TTLL1: variants seen among roughly 807,000 people sequenced by gnomAD.
TTLL1 encodes TTL family tubulin polyglutamylase complex subunit L1.
A neutral mutation model predicts 47.8 loss-of-function variants in TTLL1; 33 were observed. The observed-to-expected ratio is 0.69, with a 90% CI of 0.52 to 0.92. The LOEUF (loss-of-function observed/expected upper bound fraction) is 0.92. TTLL1 is among the 40% of genes least tolerant of loss of function. The pLI, the probability that TTLL1 is intolerant of heterozygous loss-of-function variation, is 0.00. For missense variants in TTLL1, 488 were observed against 547.5 expected, an observed-to-expected ratio of 0.89 and a Z score of 1.08; for synonymous variants, 225 against 214.1, an observed-to-expected ratio of 1.05 and a Z score of -0.45.
intron 7 of TTLL1, among the ~76,000 whole-genome samples, chr22:43,059,820 A>C (rs1265118755): frequency 6.6e-6 from 1 of 152,060 alleles, no homozygotes. Context: ...CTCTCAAGTA[A>C]CTGGGACTAC....
At chr22:43,053,916 G>A (rs1444081105) in intron 8 of TTLL1, among the ~76,000 whole-genome samples, 2 of 152,214 alleles carry the variant, frequency 1.3e-5, no homozygotes, top group Non-Finnish European at 2.9e-5. Flanking sequence ...GGGCTGGGGA[G>A]GGAGGGAGAG....
rs1200785705 is a variant in TTLL1 at position 43,089,372 on chromosome 22, G to C, written c.-185C>G. ...CGCCTCCAGCCCCTCTCCGGCGCTC[G>C]CAGGAGTACGCAGCCGACTGCCAGG... On this transcript the variant is annotated 5_prime_UTR_variant, in exon 1 of 11. Transcript: ENST00000266254. The C allele has an allele frequency of 6.6e-6, 1 of 152,462 alleles. No homozygotes were observed. The highest frequency in any genetic ancestry group is 1.9e-4 in the East Asian group (1 of 5,170). The allele number at this position is 152,462 out of a possible 1,614,324, so 9.4% of individuals were successfully genotyped here.
intron 3 of TTLL1, 72 bp from the exon 4 acceptor site, chr22:43,069,916 G>T: frequency 6.4e-7 from 1 of 1,567,090 alleles, no homozygotes; most frequent in Non-Finnish European, 8.6e-7. Flanking sequence ...TCCCGTCCCC[G>T]CAAACACCCT....
rs187947995 is a variant in TTLL1 at position 43,045,507 on chromosome 22, C to T, written c.1142+903G>A. Among the ~76,000 whole-genome samples the T allele has an allele frequency of 2.8e-4, 24 of 84,324 alleles. 1 individual carries two copies. In the Admixed American group the frequency reaches 2.9e-3, roughly 10 times the overall value. The allele number at this position is 84,324 out of a possible 152,430, so 55.3% of individuals were successfully genotyped here. A position where few individuals can be genotyped will look rare whatever the true frequency, so the allele number is the denominator to read the frequency against. ...TTTTTTTTTTGTAGAGATGGGGTTTCGCTATGTTTGCCAGCCTGGTCTCGA... is the reference window on the plus strand; with the variant it reads ...TTTTTTTTTTGTAGAGATGGGGTTTTGCTATGTTTGCCAGCCTGGTCTCGA... On this transcript the variant is annotated intron_variant, in intron 10 of 10. Coordinates refer to ENST00000266254, the MANE Select transcript of TTLL1 (RefSeq NM_012263.5).
chr22:43,046,136 G>A (rs1330725842), intron 10 of TTLL1, among the ~76,000 whole-genome samples: 2 of 152,146 alleles, frequency 1.3e-5, no homozygotes, highest in African/African-American at 4.8e-5. Context: ...CAGGAGAACT[G>A]CTTGAACCCA....
chr22:43,051,204 G>A (rs750782268), intron 9 of TTLL1, among the ~76,000 whole-genome samples: 1 of 152,248 alleles, frequency 6.6e-6, no homozygotes, highest in Non-Finnish European at 1.5e-5. Flanking sequence ...GGGCAAGGTG[G>A]GTTTGAAGCT....
Position 43,042,942 on chromosome 22 carries a change from T to C in TTLL1, c.1143-3037A>G, listed in dbSNP as rs6003013. Among the ~76,000 whole-genome samples, 855 of 148,750 alleles carry C rather than the reference T, an allele frequency of 5.7e-3. 4 individuals are homozygous for C. The highest frequency in any genetic ancestry group is 0.019 in the African/African-American group (767 of 40,620). ...CTCTGGCCTCTGCTGCTTTTTCTTTTTTTTTTTTTTTTTTTGAGGCAGACT... is the reference window on the plus strand; with the variant it reads ...CTCTGGCCTCTGCTGCTTTTTCTTTCTTTTTTTTTTTTTTTGAGGCAGACT... On this transcript the variant is annotated intron_variant, in intron 10 of 10. Transcript: ENST00000266254.
chr22:43,086,083 A>G (rs1929210609), intron 1 of TTLL1, among the ~76,000 whole-genome samples: 1 of 152,208 alleles, frequency 6.6e-6, no homozygotes, highest in South Asian at 2.1e-4. Flanking sequence ...TCCTTAGAAA[A>G]GTAAATAAAT....
chr22:43,078,708 G>A (rs944236866), intron 2 of TTLL1, among the ~76,000 whole-genome samples: 8 of 151,992 alleles, frequency 5.3e-5, no homozygotes, highest in Non-Finnish European at 1.5e-5. Context: ...AAACAGAACC[G>A]CTCTCTGCAA....
intron 3 of TTLL1, among the ~76,000 whole-genome samples, chr22:43,070,456 C>T (rs911241750): frequency 1.3e-5 from 2 of 152,082 alleles, no homozygotes; most frequent in African/African-American, 2.4e-5. Context: ...AGGGCTGGCC[C>T]CTGCTCAGAG....
Position 43,069,729 on chromosome 22 carries a change from T to C in TTLL1, c.229A>G (p.Met77Val), listed in dbSNP as rs1927988697. 1.2e-6 allele frequency: 2 copies of C among 1,614,120 alleles called. No homozygotes were observed. The highest frequency in any genetic ancestry group is 1.3e-5 in the African/African-American group (1 of 74,938). The change falls in exon 4 of 11, where the codon ATG (methionine) becomes GTG (valine). Residue 77 changes from methionine to valine, a missense_variant. Met to Val is a conservative substitution (Grantham distance 21). Transcript: ENST00000266254. Reference protein sequence around the residue: ...NHYELTRKDLMVKNIKRYRKE... With the variant: ...NHYELTRKDLVVKNIKRYRKE... Reference sequence around the variant, plus strand: ...CTGTATCTTTTGATGTTCTTCACCATCAGGTCCTTCCGGGTCAGTTCATAG... The same window carrying C: ...CTGTATCTTTTGATGTTCTTCACCACCAGGTCCTTCCGGGTCAGTTCATAG...
chr22:43,059,345 G>A (rs373916798), intron 8 of TTLL1, 39 bp downstream of exon 8: 6 of 1,586,282 alleles, frequency 3.8e-6, no homozygotes, highest in South Asian at 2.3e-5. Flanking sequence ...CTCCCAAACG[G>A]GCCCTGGGAG....
intron 3 of TTLL1, 82 bp from the exon 4 acceptor site, chr22:43,069,926 T>C: frequency 6.5e-7 from 1 of 1,545,842 alleles, no homozygotes; most frequent in Non-Finnish European, 8.7e-7. Context: ...GCAAACACCC[T>C]GAACCCTCAG....
intron 8 of TTLL1, among the ~76,000 whole-genome samples, chr22:43,056,991 G>A (rs562898988): frequency 8.5e-5 from 13 of 152,200 alleles, no homozygotes; most frequent in African/African-American, 3.1e-4. Context: ...CAAGGTCTTG[G>A]CCAGGCGCGG....
chr22:43,077,076 G>T (rs1388472115), intron 2 of TTLL1, among the ~76,000 whole-genome samples: 4 of 152,046 alleles, frequency 2.6e-5, no homozygotes, highest in Non-Finnish European at 5.9e-5. Context: ...ACTCCAGCCT[G>T]GGTGACAGAG....
At position 43,080,681 on chromosome 22, in the gene TTLL1, A is replaced by G. The variant is rs147037241; in HGVS notation, c.-89-695T>C. On this transcript the variant is annotated intron_variant, in intron 1 of 10. Transcript: ENST00000266254. ...ACTGCCTCTTCTCCAACTCCTACCA[A>G]TCATTCAAGGTACAGTTCAAAGGTC... Among the ~76,000 whole-genome samples the G allele has an allele frequency of 3.9e-3, 599 of 151,682 alleles. 5 individuals carry two copies. The highest frequency in any genetic ancestry group is 0.014 in the African/African-American group (578 of 41,358).
chr22:43,053,590 G>A (rs541457152), intron 8 of TTLL1, among the ~76,000 whole-genome samples: 5 of 152,188 alleles, frequency 3.3e-5, no homozygotes, highest in Middle Eastern at 3.4e-3. Context: ...TGGGTTCCTC[G>A]GGGGGTCTCA....
chr22:43,050,076 G>A (rs572406238), intron 9 of TTLL1, among the ~76,000 whole-genome samples: 52 of 151,820 alleles, frequency 3.4e-4, no homozygotes, highest in South Asian at 2.1e-4. Context: ...CAGCCTAGGC[G>A]ACAGAGTGAG....
At chr22:43,069,258 A>G (rs897704345) in intron 4 of TTLL1, among the ~76,000 whole-genome samples, 7 of 151,122 alleles carry the variant, frequency 4.6e-5, no homozygotes, top group African/African-American at 1.7e-4. Context: ...CGGGCATGGT[A>G]GAGGGCACCA....
Sources: gnomAD v4.1 joint callset for allele counts (sites outside exome capture counted in the v4.1 genomes callset) on GRCh38, gnomAD v4.1.1 for gene constraint, MANE v1.5 for transcripts, NCBI Gene and HGNC (gene_info 2026-07-23, HGNC 2026-07-21) for gene names.